The following CEP41 variants were observed in gnomAD, a reference collection of about 807,000 sequenced individuals.
CEP41 encodes centrosomal protein of 41 kDa.
CEP41 carries 32 observed loss-of-function variants against 44.3 expected under a neutral mutation model. That is an observed-to-expected ratio of 0.72 (90% CI 0.54 to 0.97). CEP41 has a LOEUF of 0.97. Ranked by LOEUF, CEP41 falls within the 50% of genes least tolerant of loss-of-function variation. The probability of loss-of-function intolerance (pLI) is 0.00; values close to 1 mark genes in which losing one functional copy is unlikely to be tolerated. For synonymous variants in CEP41, 151 were observed against 168.5 expected, an observed-to-expected ratio of 0.90 and a Z score of 0.80; for missense variants, 432 against 455.2, an observed-to-expected ratio of 0.95 and a Z score of 0.46.
intron 4 of CEP41, chr7:130,411,880 T>A (rs1355165496): frequency 4.0e-6 from 1 of 252,332 alleles, no homozygotes; most frequent in Non-Finnish European, 7.5e-6. Flanking sequence ...TCCAGAATTT[T>A]AGATTCTAAA....
Position 130,396,659 on chromosome 7 carries a change from C to G in CEP41, c.*2232G>C, listed in dbSNP as rs1159696854. 5 of 454,412 alleles carry G rather than the reference C, an allele frequency of 1.1e-5. No individual in the cohort carries two copies. The highest frequency in any genetic ancestry group is 9.4e-5 in the Admixed American group (4 of 42,558). The allele number at this position is 454,412 out of a possible 1,614,324, so 28.1% of individuals were successfully genotyped here. A position where few individuals can be genotyped will look rare whatever the true frequency, so the allele number is the denominator to read the frequency against. ...AAGTAGAATGTTAAAAGCAATACCT[C>G]GAGCACGTAAAGAATGTTTGATATT... On this transcript the variant is annotated 3_prime_UTR_variant, in exon 11 of 11. Transcript: ENST00000223208.
chr7:130,412,258 A>G lies in CEP41; in HGVS notation c.146-18T>C, dbSNP rs202065857. On this transcript the variant is annotated intron_variant, in intron 3 of 10. Coordinates refer to ENST00000223208, the MANE Select transcript of CEP41 (RefSeq NM_018718.3). ...TCTATAATCTGAAAAATATGGTAAG[A>G]CAAGTATTTATCTATTTTGCTTTTT... The G allele has an allele frequency of 4.0e-6, 5 of 1,265,032 alleles. No homozygotes were observed. Among genetic ancestry groups the G allele is most frequent in the Non-Finnish European group, 5.8e-6 (5 of 862,296 alleles). 78.4% of individuals were successfully genotyped at this position (1,265,032 alleles called of 1,614,324 possible). A position where few individuals can be genotyped will look rare whatever the true frequency, so the allele number is the denominator to read the frequency against.
intron 2 of CEP41, among the ~76,000 whole-genome samples, chr7:130,423,362 A>T (rs546537830): frequency 6.6e-6 from 1 of 152,372 alleles, no homozygotes; most frequent in Admixed American, 6.5e-5. Flanking sequence ...AAAAGCACAT[A>T]AAAAGGTGCT....
intron 1 of CEP41, among the ~76,000 whole-genome samples, chr7:130,440,177 C>T (rs782596968): frequency 2.0e-5 from 3 of 152,142 alleles, no homozygotes; most frequent in Admixed American, 6.5e-5. Flanking sequence ...CTCACCACCA[C>T]GCCCGGCTAA....
rs1190444467 is a variant in CEP41 at position 130,396,957 on chromosome 7, T to C, written c.*1934A>G. On this transcript the variant is annotated 3_prime_UTR_variant, in exon 11 of 11. Coordinates refer to ENST00000223208, the MANE Select transcript of CEP41 (RefSeq NM_018718.3). ...AAGACCATTTACTTTCAAAATAGAA[T>C]CCGGCAGGGAAGTCTCAACTCCTGA... 2 of 453,906 alleles carry C rather than the reference T, an allele frequency of 4.4e-6. No homozygotes were observed. The highest frequency in any genetic ancestry group is 8.8e-6 in the Non-Finnish European group (2 of 226,612). 28.1% of individuals were successfully genotyped at this position (453,906 alleles called of 1,614,324 possible).
intron 1 of CEP41, among the ~76,000 whole-genome samples, chr7:130,439,202 TCTTC>T (rs1440609814): frequency 1.3e-5 from 2 of 152,218 alleles, no homozygotes; most frequent in Non-Finnish European, 2.9e-5. Context: ...ATATATTTTC[TCTTC>T]CTTATGATTT....
chr7:130,433,029 G>T (rs1480693381), intron 1 of CEP41, among the ~76,000 whole-genome samples: 1 of 152,148 alleles, frequency 6.6e-6, no homozygotes, highest in African/African-American at 2.4e-5. Context: ...AGGAAGAAGG[G>T]AGTGGCCAAC....
At chr7:130,424,906 GAA>G (rs1475773135) in intron 2 of CEP41, among the ~76,000 whole-genome samples, 1 of 152,174 alleles carries the variant, frequency 6.6e-6, no homozygotes, top group Non-Finnish European at 1.5e-5. Flanking sequence ...TTAAGAGGAT[GAA>G]AAGACAAGTT....
chr7:130,439,538 C>G (rs1003814719), intron 1 of CEP41, among the ~76,000 whole-genome samples: 3 of 152,158 alleles, frequency 2.0e-5, no homozygotes, highest in African/African-American at 4.8e-5. Flanking sequence ...TCCTTCCCCC[C>G]ACCCTCCAGG....
chr7:130,429,724 C>T lies in CEP41; in HGVS notation c.34-1706G>A, dbSNP rs145042983. On this transcript the variant is annotated intron_variant, in intron 1 of 10. Transcript: ENST00000223208. ...ACTCCTTGGGCAAAATGTATGTCCT[C>T]TGTAAAGCTGTCCAGTACAGAACTA... 8.1e-3 allele frequency among the ~76,000 whole-genome samples: 1,234 copies of T among 152,330 alleles called. 19 individuals carry two copies. The highest frequency in any genetic ancestry group is 0.028 in the African/African-American group (1,168 of 41,568).
chr7:130,424,399 CAA>C (rs35053180), intron 2 of CEP41, among the ~76,000 whole-genome samples: 62 of 96,394 alleles, frequency 6.4e-4, no homozygotes, highest in Non-Finnish European at 6.1e-4. Context: ...GACCCTGTCT[CAA>C]AAAAAAAAAA....
At chr7:130,417,136 C>G in intron 2 of CEP41, 170 bp from the exon 3 acceptor site, 1 of 1,412,066 alleles carries the variant, frequency 7.1e-7, no homozygotes, top group South Asian at 1.5e-5. Context: ...GATAATACAG[C>G]GTTATTAAAA....
At chr7:130,424,411 A>G (rs1797600082) in intron 2 of CEP41, among the ~76,000 whole-genome samples, 1 of 152,024 alleles carries the variant, frequency 6.6e-6, no homozygotes, top group Admixed American at 6.6e-5. Flanking sequence ...AAAAAAAAAA[A>G]AAAGAAAAAG....
intron 3 of CEP41, 128 bp from the exon 4 acceptor site, chr7:130,412,368 A>G: frequency 1.6e-6 from 1 of 629,282 alleles, no homozygotes; most frequent in Non-Finnish European, 2.9e-6. Flanking sequence ...TTTGAGCCTC[A>G]TGATATCATC....
chr7:130,415,206 G>A (rs782005475), intron 3 of CEP41, among the ~76,000 whole-genome samples: 8 of 152,200 alleles, frequency 5.3e-5, no homozygotes, highest in Non-Finnish European at 1.2e-4. Flanking sequence ...CAAATCAAAG[G>A]AAGTAACAGA....
chr7:130,404,537 G>A (rs782418523), intron 6 of CEP41, 27 bp downstream of exon 6: 14 of 1,606,864 alleles, frequency 8.7e-6, no homozygotes, highest in Non-Finnish European at 1.0e-5. Flanking sequence ...GCAAAATGCA[G>A]TGAAAATATG....
Position 130,394,448 on chromosome 7 carries a change from A to G in CEP41, c.*4443T>C. The G allele has an allele frequency of 2.2e-6, 1 of 454,122 alleles. No homozygotes were observed. The allele number at this position is 454,122 out of a possible 1,614,324, so 28.1% of individuals were successfully genotyped here. On this transcript the variant is annotated 3_prime_UTR_variant, in exon 11 of 11. Coordinates refer to ENST00000223208, the MANE Select transcript of CEP41 (RefSeq NM_018718.3). ...TATTATTATTTTCTGGAAATCTTCAAGATTTGAAACAAAAGAGAAAACCTA... is the reference window on the plus strand; with the variant it reads ...TATTATTATTTTCTGGAAATCTTCAGGATTTGAAACAAAAGAGAAAACCTA...
rs141441037 is a variant in CEP41 at position 130,398,236 on chromosome 7, G to A, written c.*655C>T. 1.3e-3 allele frequency: 575 copies of A among 454,134 alleles called. 3 individuals carry two copies. The East Asian group carries it at 0.022, about 17-fold the overall frequency. The allele number at this position is 454,134 out of a possible 1,614,324, so 28.1% of individuals were successfully genotyped here. A position where few individuals can be genotyped will look rare whatever the true frequency, so the allele number is the denominator to read the frequency against. ...CCTTTCTGGCTCCAGGAAATATCTAGTAAGGGGGAGCATTCAGTGAGTGTA... is the reference window on the plus strand; with the variant it reads ...CCTTTCTGGCTCCAGGAAATATCTAATAAGGGGGAGCATTCAGTGAGTGTA... On this transcript the variant is annotated 3_prime_UTR_variant, in exon 11 of 11. Coordinates refer to ENST00000223208, the MANE Select transcript of CEP41 (RefSeq NM_018718.3).
In CEP41 at chr7:130,394,484, G is replaced by C; in HGVS notation, c.*4407C>G. On this transcript the variant is annotated 3_prime_UTR_variant, in exon 11 of 11. Transcript: ENST00000223208. ...AAAAGAGAAAACCTACTCTTAAGAT[G>C]GGGGTGGTGTGTGACCTTTGCGTGC... is the stretch of plus-strand genomic sequence containing the variant. 1 of 454,110 alleles carries C rather than the reference G, an allele frequency of 2.2e-6. No homozygotes were observed. The highest frequency in any genetic ancestry group is 4.4e-6 in the Non-Finnish European group (1 of 226,792). 28.1% of individuals were successfully genotyped at this position (454,110 alleles called of 1,614,324 possible).
Sources: allele counts gnomAD v4.1 joint callset (sites outside exome capture counted in the v4.1 genomes callset), GRCh38; gene constraint gnomAD v4.1.1; transcripts MANE v1.5; gene names NCBI Gene and HGNC (gene_info 2026-07-23, HGNC 2026-07-21).